The following ACSF2 variants were observed in gnomAD, a reference collection of about 807,000 sequenced individuals.
The protein encoded by ACSF2 is medium-chain acyl-CoA ligase ACSF2, mitochondrial.
A neutral mutation model predicts 79.3 loss-of-function variants in ACSF2; 52 were observed. The observed-to-expected ratio is 0.66, with a 90% CI of 0.53 to 0.83. The LOEUF is 0.83. Ranked by LOEUF, ACSF2 falls within the 40% of genes least tolerant of loss-of-function variation. ACSF2 has a pLI of 0.00. For synonymous variants in ACSF2, 283 were observed against 312.6 expected, an observed-to-expected ratio of 0.91 and a Z score of 1.00; for missense variants, 661 against 803.3, an observed-to-expected ratio of 0.82 and a Z score of 2.14.
At chr17:50,428,607 AC>A (rs1183200385) in intron 1 of ACSF2, among the ~76,000 whole-genome samples, 2 of 150,616 alleles carry the variant, frequency 1.3e-5, no homozygotes, top group Non-Finnish European at 3.0e-5. Flanking sequence ...ACATGGAGAA[AC>A]CCCATCTCTA....
In ACSF2 at chr17:50,435,375, A is replaced by G. The variant is rs536841463; in HGVS notation, c.128+8986A>G. Among the ~76,000 whole-genome samples the G allele has an allele frequency of 2.6e-5, 4 of 151,674 alleles. No individual in the cohort carries two copies. In the South Asian group the frequency reaches 8.3e-4, roughly 32 times the overall value. The stretch of plus-strand genomic sequence containing the variant: ...CTTTGTAGCTTTTTTTCATCCTCTT[A>G]AAAGGGTCTTTTGCAGAGCAAAATT... On this transcript the variant is annotated intron_variant, in intron 1 of 15. Transcript: ENST00000300441.
intron 1 of ACSF2, among the ~76,000 whole-genome samples, chr17:50,459,348 C>T (rs2143690304): frequency 6.6e-6 from 1 of 152,328 alleles, no homozygotes; most frequent in South Asian, 2.1e-4. Flanking sequence ...TCGAGTGATC[C>T]TCCCCCTTCA....
chr17:50,456,366 C>T (rs1025219929), intron 1 of ACSF2, among the ~76,000 whole-genome samples: 19 of 152,166 alleles, frequency 1.2e-4, no homozygotes, highest in African/African-American at 4.3e-4. Context: ...AAATCCACTG[C>T]TTTGGCCAAG....
chr17:50,462,241 G>C lies in ACSF2; in HGVS notation c.565G>C (p.Val189Leu). 6.2e-7 allele frequency: 1 copy of C among 1,614,080 alleles called. No individual in the cohort carries two copies. The highest frequency in any genetic ancestry group is 8.5e-7 in the Non-Finnish European group (1 of 1,180,004). Residue 189 changes from valine to leucine, a missense_variant, in exon 5 of 16, where the codon GTC becomes CTC. Val to Leu is a conservative substitution (Grantham distance 32). Transcript: ENST00000300441. ...ATTCAAGACCCAGCAATACTACAAC[G>C]TCCTGAAGCAGATCTGTCCAGAAGT... ...KQFKTQQYYN[V>L]LKQICPEVEN...
intron 1 of ACSF2, among the ~76,000 whole-genome samples, chr17:50,443,696 C>G (rs1196780986): frequency 1.3e-5 from 2 of 152,210 alleles, no homozygotes; most frequent in Non-Finnish European, 2.9e-5. Context: ...AGGCTTCCTG[C>G]CTCTATACTT....
chr17:50,444,479 A>T lies in ACSF2; in HGVS notation c.129-16198A>T, dbSNP rs574474090. Among the ~76,000 whole-genome samples the T allele has an allele frequency of 3.8e-4, 58 of 152,148 alleles. 1 individual carries two copies. In the East Asian group the frequency reaches 9.1e-3, roughly 24 times the overall value. ...GTGAGGCAGGAGAATCATTTGAACC[A>T]GGGAGGTAGAAGTTGCAATGAGCTG... On this transcript the variant is annotated intron_variant, in intron 1 of 15. Coordinates refer to ENST00000300441, the MANE Select transcript of ACSF2 (RefSeq NM_025149.6).
intron 12 of ACSF2, chr17:50,473,418 G>A (rs1177869995): frequency 2.3e-5 from 11 of 473,658 alleles, no homozygotes; most frequent in Middle Eastern, 5.8e-4. Flanking sequence ...GAAGCCAGTC[G>A]TGAAAAGCTA....
chr17:50,468,873 C>T (rs2032939499), intron 10 of ACSF2: 3 of 1,444,884 alleles, frequency 2.1e-6, no homozygotes, highest in South Asian at 1.5e-5. Context: ...CGGGCAGCGG[C>T]GAGTCCTAGG....
chr17:50,426,471 C>T, intron 1 of ACSF2, 82 bp downstream of exon 1: 1 of 1,266,848 alleles, frequency 7.9e-7, no homozygotes, highest in Non-Finnish European at 1.0e-6. Context: ...CTTCGGAAGC[C>T]CCACCTCTGG....
intron 1 of ACSF2, among the ~76,000 whole-genome samples, chr17:50,442,320 AAACAAT>A (rs2030982139): frequency 7.7e-6 from 1 of 130,422 alleles, no homozygotes; most frequent in African/African-American, 3.0e-5. Context: ...AAACAAAACA[AAACAAT>A]TTTTTTTTTT....
chr17:50,473,946 G>T lies in ACSF2; in HGVS notation c.1670G>T (p.Arg557Leu), dbSNP rs752508179. Reference protein sequence around the residue: ...RMGEEICACIRLKDGEETTVE... With the variant: ...RMGEEICACILLKDGEETTVE... ...GGGGAAGAGATTTGTGCCTGCATTC[G>T]GCTGAAGGACGGGGAGGAGACCACG... Residue 557 changes from arginine to leucine, a missense_variant, in exon 14 of 16, where the codon CGG becomes CTG. Coordinates refer to ENST00000300441, the MANE Select transcript of ACSF2 (RefSeq NM_025149.6). 1.6e-5 allele frequency: 25 copies of T among 1,561,200 alleles called. No homozygotes were observed. Among genetic ancestry groups the T allele is most frequent in the Non-Finnish European group, 2.2e-5 (25 of 1,152,250 alleles).
intron 1 of ACSF2, among the ~76,000 whole-genome samples, chr17:50,429,664 T>C (rs1210372920): frequency 1.3e-5 from 2 of 151,986 alleles, no homozygotes; most frequent in Non-Finnish European, 1.5e-5. Flanking sequence ...GGATTACCGG[T>C]GTGCGCCACC....
Position 50,474,763 on chromosome 17 carries a change from C to A in ACSF2, c.*211C>A. 1 of 578,330 alleles carries A rather than the reference C, an allele frequency of 1.7e-6. No individual in the cohort carries two copies. Among genetic ancestry groups the A allele is most frequent in the Non-Finnish European group, 3.1e-6 (1 of 326,626 alleles). 35.8% of individuals were successfully genotyped at this position (578,330 alleles called of 1,614,324 possible). A position where few individuals can be genotyped will look rare whatever the true frequency, so the allele number is the denominator to read the frequency against. The stretch of plus-strand genomic sequence containing the variant: ...AAAAGGCAGGCAGCCTGCCCAGGCC[C>A]TCCCTCCTGTCCATCCCCCACATTC... On this transcript the variant is annotated 3_prime_UTR_variant, in exon 16 of 16. Transcript: ENST00000300441. This position sits in a 1 kb window ranked among gnomAD's most constrained non-coding sequence, Gnocchi z 4.2.
At chr17:50,457,044 G>A (rs1029536110) in intron 1 of ACSF2, among the ~76,000 whole-genome samples, 3 of 151,972 alleles carry the variant, frequency 2.0e-5, no homozygotes, top group Non-Finnish European at 4.4e-5. Flanking sequence ...TAGCCCAGTT[G>A]ACAGAGTGAG....
At position 50,474,593 on chromosome 17, in the gene ACSF2, C is replaced by G. The variant is rs531889168; in HGVS notation, c.*41C>G. Reference sequence around the variant, plus strand: ...TGTCCTGGCCGGTTGGCTTGACTCTCTCCTGTCAGAATGCAACCTGGCTTT... The same window carrying G: ...TGTCCTGGCCGGTTGGCTTGACTCTGTCCTGTCAGAATGCAACCTGGCTTT... On this transcript the variant is annotated 3_prime_UTR_variant, in exon 16 of 16. Coordinates refer to ENST00000300441, the MANE Select transcript of ACSF2 (RefSeq NM_025149.6). The surrounding 1 kb of genome is among the most constrained non-coding windows in gnomAD (Gnocchi z 4.2). 60 of 1,602,886 alleles carry G rather than the reference C, an allele frequency of 3.7e-5. No homozygotes were observed. In the East Asian group the frequency reaches 1.2e-3, roughly 32 times the overall value.
chr17:50,451,141 G>C (rs59694638), intron 1 of ACSF2, among the ~76,000 whole-genome samples: 4 of 152,068 alleles, frequency 2.6e-5, no homozygotes, highest in Non-Finnish European at 4.4e-5. Flanking sequence ...ATCTCACTAT[G>C]TTGCCCAGAC....
intron 1 of ACSF2, among the ~76,000 whole-genome samples, chr17:50,459,150 C>T (rs1433190789): frequency 3.3e-5 from 5 of 152,246 alleles, no homozygotes; most frequent in East Asian, 1.9e-4. Context: ...CACGCTTGAA[C>T]GTCATGGCCC....
intron 11 of ACSF2, chr17:50,472,204 G>A (rs1165163095): frequency 2.3e-5 from 12 of 523,300 alleles, no homozygotes; most frequent in Non-Finnish European, 3.6e-5. Context: ...TCCCAGCCTG[G>A]GACTCAGCTC....
At position 50,439,074 on chromosome 17, in the gene ACSF2, C is replaced by CT. The variant is rs568470984; in HGVS notation, c.128+12695dup. Among the ~76,000 whole-genome samples the CT allele has an allele frequency of 4.1e-4, 60 of 145,838 alleles. 1 individual carries two copies. Among genetic ancestry groups the CT allele is most frequent in the African/African-American group, 5.3e-4 (21 of 39,828 alleles). On this transcript the variant is annotated intron_variant, in intron 1 of 15. Coordinates refer to ENST00000300441, the MANE Select transcript of ACSF2 (RefSeq NM_025149.6). ...TCAATAAACAATACATATTTTATGC[C>CT]TTTTTTTTTTCAAGAGACAGGGTCT...
Sources: gnomAD v4.1 joint callset for allele counts (sites outside exome capture counted in the v4.1 genomes callset) on GRCh38, gnomAD v4.1.1 for gene constraint, Gnocchi (gnomAD v3.1) non-coding constraint, MANE v1.5 for transcripts, NCBI Gene and HGNC (gene_info 2026-07-23, HGNC 2026-07-21) for gene names.